IL1RAPL2: variants seen among roughly 807,000 people sequenced by gnomAD.
IL1RAPL2 encodes interleukin 1 receptor accessory protein like 2.
IL1RAPL2 carries 3 observed loss-of-function variants against 44.1 expected under a neutral mutation model. The ratio of observed to expected loss-of-function variants is 0.07; its 90% CI spans 0.03 to 0.18. The LOEUF is 0.18. Ranked by LOEUF, IL1RAPL2 falls within the 10% of genes least tolerant of loss-of-function variation. The pLI is 1.00. For missense variants in IL1RAPL2, 391 were observed against 496.4 expected, an observed-to-expected ratio of 0.79 and a Z score of 2.02; for synonymous variants, 181 against 178.8, an observed-to-expected ratio of 1.01 and a Z score of -0.10.
intron 6 of IL1RAPL2, among the ~76,000 whole-genome samples, chrX:105,672,640 G>A (rs1263808884): frequency 8.9e-6 from 1 of 111,916 alleles, no homozygotes; most frequent in Non-Finnish European, 1.9e-5. Flanking sequence ...AACAGGCAGG[G>A]ATTAAGTCTT....
chrX:105,042,464 G>A (rs1450027811), intron 2 of IL1RAPL2, among the ~76,000 whole-genome samples: 29 of 108,932 alleles, frequency 2.7e-4, no homozygotes, highest in Non-Finnish European at 5.0e-4. Context: ...GCAGCCAAAA[G>A]ACACATGAAA....
chrX:104,637,179 A>G (rs1254400119), intron 1 of IL1RAPL2, among the ~76,000 whole-genome samples: 1 of 108,620 alleles, frequency 9.2e-6, no homozygotes, highest in Non-Finnish European at 1.9e-5. Flanking sequence ...CTGATTTTGT[A>G]TTCTGCAACT....
At chrX:104,910,174 C>A (rs759994496) in intron 2 of IL1RAPL2, among the ~76,000 whole-genome samples, 1 of 112,431 alleles carries the variant, frequency 8.9e-6, no homozygotes, top group African/African-American at 3.2e-5. Flanking sequence ...TGACCCCTTG[C>A]GCTTCCCGAG....
intron 1 of IL1RAPL2, among the ~76,000 whole-genome samples, chrX:104,640,044 G>A (rs1223296864): frequency 9.0e-6 from 1 of 111,285 alleles, no homozygotes; most frequent in Non-Finnish European, 1.9e-5. Context: ...GACTTGGGAA[G>A]TTTTCAGCTA....
intron 1 of IL1RAPL2, among the ~76,000 whole-genome samples, chrX:104,632,476 A>G (rs1929673958): frequency 9.0e-6 from 1 of 111,427 alleles, no homozygotes; most frequent in African/African-American, 3.3e-5. Context: ...ACCCATGAGC[A>G]TGGAATGTTC....
intron 2 of IL1RAPL2, among the ~76,000 whole-genome samples, chrX:105,035,241 C>T (rs1396126878): frequency 1.8e-5 from 2 of 111,593 alleles, no homozygotes; most frequent in African/African-American, 3.3e-5. Context: ...GTGCACTGCA[C>T]CCACTGTCCT....
At chrX:104,987,832 T>G (rs1302340922) in intron 2 of IL1RAPL2, among the ~76,000 whole-genome samples, 2 of 111,795 alleles carry the variant, frequency 1.8e-5, no homozygotes, top group East Asian at 5.6e-4. Context: ...TCATTCATCA[T>G]CTGCATGATG....
chrX:104,634,832 G>A (rs1167692960), intron 1 of IL1RAPL2, among the ~76,000 whole-genome samples: 9 of 111,741 alleles, frequency 8.1e-5, no homozygotes, highest in Non-Finnish European at 1.9e-5. Context: ...GGAGCATTCA[G>A]CCCATTTACA....
chrX:104,997,563 T>C (rs996620368), intron 2 of IL1RAPL2, among the ~76,000 whole-genome samples: 1 of 111,397 alleles, frequency 9.0e-6, no homozygotes, highest in Non-Finnish European at 1.9e-5. Context: ...ACTGGAAGCA[T>C]GGGAATTAAT....
intron 5 of IL1RAPL2, among the ~76,000 whole-genome samples, chrX:105,363,657 A>G (rs757808896): frequency 9.1e-6 from 1 of 109,949 alleles, no homozygotes; most frequent in Non-Finnish European, 1.9e-5. Context: ...GTGAAGTGAT[A>G]CCTCATTATG....
chrX:104,904,812 A>G (rs1194215203), intron 2 of IL1RAPL2, among the ~76,000 whole-genome samples: 3 of 107,475 alleles, frequency 2.8e-5, no homozygotes, highest in Non-Finnish European at 3.8e-5. Context: ...CTTTGGGTAT[A>G]TACCCAGTAA....
intron 2 of IL1RAPL2, among the ~76,000 whole-genome samples, chrX:104,916,063 T>G (rs1272622714): frequency 9.9e-5 from 11 of 111,588 alleles, no homozygotes; most frequent in Admixed American, 2.9e-4. Flanking sequence ...CTCTTTTTTG[T>G]TTCCATATGA....
chrX:105,021,032 G>A (rs143376728), intron 2 of IL1RAPL2, among the ~76,000 whole-genome samples: 2 of 111,694 alleles, frequency 1.8e-5, no homozygotes, highest in Non-Finnish European at 3.8e-5. Context: ...AAATCAGTTG[G>A]CATCTGGTTT....
rs140091162 is a variant in IL1RAPL2, at chrX:105,027,078, A to G, written c.83-168397A>G. Among the ~76,000 whole-genome samples the G allele has an allele frequency of 7.8e-3, 868 of 111,699 alleles. 14 individuals carry two copies. Among genetic ancestry groups the G allele is most frequent in the African/African-American group, 0.027 (833 of 30,840 alleles). ...GCCAAAAGCATACACTGGGGAAAAG[A>G]CAGTCTCTTCAACAAATGGTGCTGG... On this transcript the variant is annotated intron_variant, in intron 2 of 10. Coordinates refer to ENST00000372582, the MANE Select transcript of IL1RAPL2 (RefSeq NM_017416.2).
In IL1RAPL2 at chrX:105,672,032, TTC is replaced by T. The variant is rs1342766272; in HGVS notation, c.773-45333_773-45332del. Among the ~76,000 whole-genome samples the T allele has an allele frequency of 3.0e-3, 332 of 111,987 alleles. 3 individuals carry two copies. Among genetic ancestry groups the T allele is most frequent in the African/African-American group, 0.01 (322 of 30,887 alleles). On this transcript the variant is annotated intron_variant, in intron 6 of 10. Transcript: ENST00000372582. ...ATATTTCTAATTCTTTGCTGGGACT[TTC>T]TATTACTATACTGAGGCTTTAGACT...
At chrX:104,635,576 A>G (rs1235057789) in intron 1 of IL1RAPL2, among the ~76,000 whole-genome samples, 4 of 110,961 alleles carry the variant, frequency 3.6e-5, no homozygotes. Flanking sequence ...TTCTCTTGTC[A>G]CTTCATTTCA....
chrX:104,917,453 C>T (rs968551500), intron 2 of IL1RAPL2, among the ~76,000 whole-genome samples: 2 of 111,459 alleles, frequency 1.8e-5, no homozygotes, highest in African/African-American at 6.6e-5. Flanking sequence ...CTAGGAGTTT[C>T]TCTATTTGAT....
intron 5 of IL1RAPL2, among the ~76,000 whole-genome samples, chrX:105,329,856 G>A (rs1358819585): frequency 7.2e-5 from 8 of 111,315 alleles, no homozygotes; most frequent in African/African-American, 2.6e-4. Context: ...TATGTTATTT[G>A]GATATATTGG....
chrX:105,074,681 T>A (rs1200765329), intron 2 of IL1RAPL2, among the ~76,000 whole-genome samples: 2 of 106,887 alleles, frequency 1.9e-5, no homozygotes, highest in African/African-American at 3.4e-5. Flanking sequence ...GAGCATGGAA[T>A]GTTCTTCCAT....
Sources: allele counts gnomAD v4.1 joint callset (sites outside exome capture counted in the v4.1 genomes callset), GRCh38; gene constraint gnomAD v4.1.1; transcripts MANE v1.5; gene names NCBI Gene and HGNC (gene_info 2026-07-23, HGNC 2026-07-21).